Variants in RHOBTB2 observed in about 807,000 individuals in gnomAD.
RHOBTB2 encodes the protein Rho related BTB domain containing 2.
Under a neutral mutation model 66.5 loss-of-function variants are expected in RHOBTB2, and 39 were observed. That is an observed-to-expected ratio of 0.59 (90% CI 0.45 to 0.77). The LOEUF (loss-of-function observed/expected upper bound fraction) is 0.77. RHOBTB2 is among the 30% of genes least tolerant of loss of function. The pLI is 0.00. For synonymous variants in RHOBTB2, 390 were observed against 395.0 expected (o/e 0.99, Z 0.15); for missense variants, 755 against 999.1 (o/e 0.76, Z 3.29).
At chr8:22,954,007 G>A in the RHOBTB2 span, among the ~76,000 whole-genome samples, 1 of 152,164 alleles carries the variant, frequency 6.6e-6, no homozygotes, top group Admixed American at 6.6e-5. Flanking sequence ...GTGAATAATC[G>A]CTATCTAATT....
chr8:23,007,948 C>T (rs377499522), intron 5 of RHOBTB2, 45 bp from the exon 6 acceptor site: 2 of 1,581,662 alleles, frequency 1.3e-6, no homozygotes, highest in East Asian at 2.2e-5. Context: ...GGCTTGTTCT[C>T]CCAGCTTCTT....
In RHOBTB2 at chr8:23,006,072, T is replaced by C; in HGVS notation, c.409T>C (p.Leu137=). Residue 137 remains leucine (L), a synonymous_variant, in exon 4 of 10, where the codon TTG becomes CTG. Transcript: ENST00000251822. This position sits in a 1 kb window ranked among gnomAD's most constrained non-coding sequence, Gnocchi z 6.1. ...KHFCPRAPVI[L]VGCQLDLRYA... ...CTTCTGCCCCCGAGCACCTGTCATCTTGGTGGGCTGCCAGTTGGACCTGCG... is the reference window on the plus strand; with the variant it reads ...CTTCTGCCCCCGAGCACCTGTCATCCTGGTGGGCTGCCAGTTGGACCTGCG... The C allele has an allele frequency of 1.2e-6, 2 of 1,614,158 alleles. No homozygotes were observed. The highest frequency in any genetic ancestry group is 1.7e-6 in the Non-Finnish European group (2 of 1,180,000).
the RHOBTB2 span, among the ~76,000 whole-genome samples, chr8:22,960,612 G>A: frequency 9.3e-4 from 142 of 152,166 alleles, 1 homozygote; most frequent in Middle Eastern, 3.4e-3. Flanking sequence ...CGCTGCACCC[G>A]GCCCCTGAGT....
chr8:22,955,684 C>T, the RHOBTB2 span, among the ~76,000 whole-genome samples: 1 of 151,564 alleles, frequency 6.6e-6, no homozygotes, highest in Non-Finnish European at 1.5e-5. Flanking sequence ...ATCCTCCCAC[C>T]TCAGCTTCCC....
At chr8:23,014,180 A>G (rs1811223810) in intron 7 of RHOBTB2, among the ~76,000 whole-genome samples, 1 of 152,236 alleles carries the variant, frequency 6.6e-6, no homozygotes. Context: ...GATACTTCTA[A>G]TTAAAATTCA....
At chr8:22,996,584 T>C (rs1308627045), upstream of RHOBTB2, among the ~76,000 whole-genome samples, 1 of 126,756 alleles carries the variant, frequency 7.9e-6, no homozygotes, top group Non-Finnish European at 1.6e-5. Flanking sequence ...TGTCTGTGTA[T>C]GTAACGGAAT....
At chr8:22,979,540 A>C in the RHOBTB2 span, among the ~76,000 whole-genome samples, 1 of 152,054 alleles carries the variant, frequency 6.6e-6, no homozygotes, top group South Asian at 2.1e-4. Flanking sequence ...TTTATTGAAG[A>C]CATCCCCTCT....
At position 23,006,052 on chromosome 8, in the gene RHOBTB2, G is replaced by T; in HGVS notation, c.389G>T (p.Cys130Phe). The change falls in exon 4 of 10, where the codon TGC becomes TTC. Residue 130 changes from cysteine to phenylalanine, a missense_variant. Physicochemically the swap from Cys to Phe is radical, Grantham distance 205. Around this residue, in one of 7 missense-constraint regions of RHOBTB2, gnomAD observed 33 missense variants for 36.0 expected, o/e 0.92. Coordinates refer to ENST00000251822, the MANE Select transcript of RHOBTB2 (RefSeq NM_015178.3). The surrounding 1 kb of genome is among the most constrained non-coding windows in gnomAD (Gnocchi z 6.1). ...TGGTACCCAGAAATCAAGCACTTCT[G>T]CCCCCGAGCACCTGTCATCTTGGTG... is the stretch of plus-strand genomic sequence containing the variant. ...TMWYPEIKHF[C>F]PRAPVILVGC... 2 of 1,613,866 alleles carry T rather than the reference G, an allele frequency of 1.2e-6. No individual in the cohort carries two copies. The highest frequency in any genetic ancestry group is 1.7e-6 in the Non-Finnish European group (2 of 1,179,938).
rs1041295424 is a variant in RHOBTB2 at position 23,006,493 on chromosome 8, C to T, written c.483-235C>T. 2.8e-5 allele frequency: 16 copies of T among 568,504 alleles called. No individual in the cohort carries two copies. The highest frequency in any genetic ancestry group is 4.7e-5 in the Non-Finnish European group (15 of 321,362). The allele number at this position is 568,504 out of a possible 1,614,324, so 35.2% of individuals were successfully genotyped here. On this transcript the variant is annotated intron_variant, in intron 4 of 9. Coordinates refer to ENST00000251822, the MANE Select transcript of RHOBTB2 (RefSeq NM_015178.3). The surrounding 1 kb of genome is among the most constrained non-coding windows in gnomAD (Gnocchi z 6.1). The stretch of plus-strand genomic sequence containing the variant: ...AATTGCCAGAGAGGCAGTGCTGTCA[C>T]GGCTTTGTACTGGGGAGGTCACTGG...
In RHOBTB2 at chr8:23,006,769, G is replaced by A. The variant is rs866619842; in HGVS notation, c.524G>A (p.Arg175Gln). ...PNEILPPEKG[R>Q]EVAKELGIPY... is the part of the protein sequence containing the mutation. ...GAAATCCTGCCCCCAGAGAAGGGTC[G>A]GGAGGTGGCCAAGGAGCTGGGCATC... Residue 175 changes from arginine to glutamine, a missense_variant, in exon 5 of 10, where the codon CGG (arginine) becomes CAG (glutamine). Around this residue, in one of 7 missense-constraint regions of RHOBTB2, gnomAD observed 20 missense variants for 59.0 expected, o/e 0.34. Coordinates refer to ENST00000251822, the MANE Select transcript of RHOBTB2 (RefSeq NM_015178.3). This position sits in a 1 kb window ranked among gnomAD's most constrained non-coding sequence, Gnocchi z 6.1. The A allele has an allele frequency of 7.4e-6, 12 of 1,613,864 alleles. No homozygotes were observed. The highest frequency in any genetic ancestry group is 1.3e-5 in the African/African-American group (1 of 74,878).
At chr8:22,982,271 C>T in the RHOBTB2 span, among the ~76,000 whole-genome samples, 2 of 152,200 alleles carry the variant, frequency 1.3e-5, no homozygotes, top group Admixed American at 6.5e-5. Flanking sequence ...CACCTGCTGT[C>T]GGGACACACT....
In RHOBTB2 at chr8:23,018,267, C is replaced by T. The variant is rs1322870230; in HGVS notation, c.*798C>T. The T allele has an allele frequency of 6.6e-6, 1 of 152,514 alleles. No homozygotes were observed. The highest frequency in any genetic ancestry group is 1.5e-5 in the Non-Finnish European group (1 of 68,080). 9.4% of individuals were successfully genotyped at this position (152,514 alleles called of 1,614,324 possible). A position where few individuals can be genotyped will look rare whatever the true frequency, so the allele number is the denominator to read the frequency against. On this transcript the variant is annotated 3_prime_UTR_variant, in exon 10 of 10. Coordinates refer to ENST00000251822, the MANE Select transcript of RHOBTB2 (RefSeq NM_015178.3). Reference sequence around the variant, plus strand: ...GTGGAGAAGGAAGTAGGAATGAGTGCACGGCGACCCCGTGCTCCTCAGGGC... The same window carrying T: ...GTGGAGAAGGAAGTAGGAATGAGTGTACGGCGACCCCGTGCTCCTCAGGGC...
chr8:22,988,754 G>T (rs191412336), intron 1 of RHOBTB2, among the ~76,000 whole-genome samples: 2 of 152,138 alleles, frequency 1.3e-5, no homozygotes, highest in African/African-American at 2.4e-5. Context: ...TCACTTCCTC[G>T]CAAAGGAGTA....
At chr8:23,009,585 C>T (rs1563293566) in intron 6 of RHOBTB2, among the ~76,000 whole-genome samples, 1 of 152,176 alleles carries the variant, frequency 6.6e-6, no homozygotes, top group Non-Finnish European at 1.5e-5. Context: ...TTCCTTCTGC[C>T]AAAAACCCTC....
upstream of RHOBTB2, among the ~76,000 whole-genome samples, chr8:22,985,888 C>G (rs1810278311): frequency 1.3e-5 from 2 of 152,338 alleles, no homozygotes; most frequent in South Asian, 4.1e-4. Flanking sequence ...GGCCTACCCA[C>G]CAGTGCACCC....
chr8:22,997,449 G>A (rs1810604937), upstream of RHOBTB2, among the ~76,000 whole-genome samples: 1 of 152,126 alleles, frequency 6.6e-6, no homozygotes, highest in South Asian at 2.1e-4. Flanking sequence ...GTGTGAGCGG[G>A]GCGGGGCGGG....
rs765050646 is a variant in RHOBTB2, at chr8:22,999,751, T to A, written c.-365T>A. On this transcript the variant is annotated 5_prime_UTR_variant, in exon 1 of 10. Coordinates refer to ENST00000251822, the MANE Select transcript of RHOBTB2 (RefSeq NM_015178.3). ...GCCCGGGCGCGTAGCGGCGGCGGCC[T>A]CGCCCCTCTCCCGGCGCCCCTGCGC... 9 of 1,035,724 alleles carry A rather than the reference T, an allele frequency of 8.7e-6. No homozygotes were observed. The South Asian group carries it at 2.3e-4, about 26-fold the overall frequency. 64.2% of individuals were successfully genotyped at this position (1,035,724 alleles called of 1,614,324 possible). A position where few individuals can be genotyped will look rare whatever the true frequency, so the allele number is the denominator to read the frequency against.
intron 3 of RHOBTB2, 123 bp from the exon 4 acceptor site, chr8:23,005,837 A>C: frequency 1.2e-6 from 1 of 826,284 alleles, no homozygotes; most frequent in Non-Finnish European, 2.0e-6. Context: ...TTGTGTCAAG[A>C]GCACGTGAGC....
At chr8:22,979,588 CTATCACTAGTGTTTA>C in the RHOBTB2 span, among the ~76,000 whole-genome samples, 2 of 152,088 alleles carry the variant, frequency 1.3e-5, no homozygotes, top group Non-Finnish European at 2.9e-5. Context: ...TTTTTCCCCA[CTATCACTAGTGTTTA>C]TGACGTCCTA....
Sources: allele counts gnomAD v4.1 joint callset (sites outside exome capture counted in the v4.1 genomes callset), GRCh38; gene constraint gnomAD v4.1.1; regional missense constraint gnomAD v4.1.1; non-coding constraint Gnocchi (gnomAD v3.1); transcripts MANE v1.5; gene names NCBI Gene and HGNC (gene_info 2026-07-23, HGNC 2026-07-21).